The following SCFD2 variants were observed in gnomAD, a reference collection of about 807,000 sequenced individuals.
SCFD2 encodes the protein sec1 family domain-containing protein 2.
In SCFD2, 54 loss-of-function variants were observed where a neutral mutation model predicts 58.9. The ratio of observed to expected loss-of-function variants is 0.92; its 90% confidence interval spans 0.74 to 1.15. SCFD2 has a LOEUF of 1.15. Among genes scored for constraint, SCFD2 ranks in the 50% most tolerant of loss-of-function variants. SCFD2 has a pLI of 0.00. For synonymous variants in SCFD2, 321 were observed against 335.9 expected (o/e 0.96, Z 0.49); for missense variants, 805 against 836.6 (o/e 0.96, Z 0.47).
At chr4:53,169,745 A>G (rs929836811) in intron 4 of SCFD2, among the ~76,000 whole-genome samples, 1 of 152,182 alleles carries the variant, frequency 6.6e-6, no homozygotes, top group African/African-American at 2.4e-5. Context: ...TAATACAATC[A>G]TATCTCATTG....
intron 2 of SCFD2, among the ~76,000 whole-genome samples, chr4:53,333,388 G>T (rs1482250332): frequency 8.7e-5 from 12 of 137,456 alleles, no homozygotes; most frequent in African/African-American, 3.3e-4. Context: ...CATGGTACTG[G>T]TACCAAAACA....
chr4:53,290,285 A>G (rs928496524), intron 3 of SCFD2, among the ~76,000 whole-genome samples: 1 of 152,182 alleles, frequency 6.6e-6, no homozygotes, highest in Admixed American at 6.5e-5. Flanking sequence ...TTCTAACCAA[A>G]GTGGTGAGAA....
At chr4:52,980,104 TCTTA>T (rs1223258323) in intron 5 of SCFD2, among the ~76,000 whole-genome samples, 1 of 152,208 alleles carries the variant, frequency 6.6e-6, no homozygotes, top group African/African-American at 2.4e-5. Flanking sequence ...TCATTTGCCC[TCTTA>T]GTCATCTTTT....
chr4:52,972,563 T>C (rs888801941), intron 5 of SCFD2, among the ~76,000 whole-genome samples: 2 of 152,148 alleles, frequency 1.3e-5, no homozygotes, highest in African/African-American at 2.4e-5. Context: ...CACACAATAA[T>C]AGTGGGAGAC....
chr4:52,984,039 T>A (rs867422975), intron 5 of SCFD2, among the ~76,000 whole-genome samples: 1 of 152,280 alleles, frequency 6.6e-6, no homozygotes, highest in Non-Finnish European at 1.5e-5. Context: ...GTTTACCACT[T>A]CTCTGCAAAG....
intron 2 of SCFD2, among the ~76,000 whole-genome samples, chr4:53,336,989 T>C (rs539793475): frequency 6.6e-6 from 1 of 152,288 alleles, no homozygotes; most frequent in African/African-American, 2.4e-5. Flanking sequence ...CAAACCACAA[T>C]GAGATACCAC....
chr4:53,050,574 C>A (rs543005438), intron 5 of SCFD2, among the ~76,000 whole-genome samples: 1 of 152,154 alleles, frequency 6.6e-6, no homozygotes, highest in Non-Finnish European at 1.5e-5. Context: ...GAAGAAAGAA[C>A]AAAAACCAGG....
At chr4:53,145,288 G>A (rs142324194) in intron 5 of SCFD2, 45 bp downstream of exon 5, 91 of 1,600,370 alleles carry the variant, frequency 5.7e-5, no homozygotes, top group Admixed American at 4.6e-4. Flanking sequence ...AACCTGTTTC[G>A]TGTATCAGTG....
intron 5 of SCFD2, among the ~76,000 whole-genome samples, chr4:53,024,391 T>C (rs1456285291): frequency 1.3e-5 from 2 of 152,144 alleles, no homozygotes; most frequent in African/African-American, 4.8e-5. Context: ...GTTTTTAAGA[T>C]GGCATAATCA....
At chr4:53,152,441 C>T (rs1726539248) in intron 4 of SCFD2, among the ~76,000 whole-genome samples, 1 of 152,118 alleles carries the variant, frequency 6.6e-6, no homozygotes, top group Non-Finnish European at 1.5e-5. Context: ...TACATTGCTA[C>T]AAGGAGTGAA....
At chr4:53,064,241 G>A (rs535141475) in intron 5 of SCFD2, among the ~76,000 whole-genome samples, 27 of 152,026 alleles carry the variant, frequency 1.8e-4, no homozygotes, top group Middle Eastern at 6.8e-3. Context: ...TAAGCATAGC[G>A]CCCAGTAGTC....
chr4:53,230,423 C>T (rs1302632781), intron 4 of SCFD2, among the ~76,000 whole-genome samples: 3 of 151,852 alleles, frequency 2.0e-5, no homozygotes, highest in Admixed American at 6.6e-5. Flanking sequence ...ACATATACAC[C>T]ATGGAATACT....
At chr4:53,298,167 G>A (rs569034992) in intron 3 of SCFD2, among the ~76,000 whole-genome samples, 9 of 152,238 alleles carry the variant, frequency 5.9e-5, no homozygotes, top group South Asian at 2.1e-4. Flanking sequence ...CCCGGGAAGC[G>A]CAAGGGGTCA....
intron 4 of SCFD2, among the ~76,000 whole-genome samples, chr4:53,206,035 G>A (rs551178504): frequency 6.6e-6 from 1 of 152,100 alleles, no homozygotes; most frequent in Non-Finnish European, 1.5e-5. Context: ...TATTACACTA[G>A]TCCCCCAAAG....
At chr4:53,228,628 A>G (rs890078333) in intron 4 of SCFD2, among the ~76,000 whole-genome samples, 1 of 152,316 alleles carries the variant, frequency 6.6e-6, no homozygotes, top group East Asian at 1.9e-4. Context: ...TCTCAAAATA[A>G]TAAGAGCTAT....
At chr4:52,924,031 A>G (rs573164090) in intron 5 of SCFD2, among the ~76,000 whole-genome samples, 4 of 152,346 alleles carry the variant, frequency 2.6e-5, no homozygotes, top group African/African-American at 9.6e-5. Context: ...AAAAAAAGTT[A>G]CTAGTTCTAA....
intron 8 of SCFD2, among the ~76,000 whole-genome samples, chr4:52,874,768 C>T (rs1718433052): frequency 6.6e-6 from 1 of 152,158 alleles, no homozygotes; most frequent in South Asian, 2.1e-4. Context: ...TACAGTCACA[C>T]TGGATTAGAG....
chr4:52,995,567 G>A (rs1177390598), intron 5 of SCFD2, among the ~76,000 whole-genome samples: 9 of 152,212 alleles, frequency 5.9e-5, no homozygotes, highest in Admixed American at 2.6e-4. Context: ...TGCCTGGTCT[G>A]GGTAAGAGAA....
At chr4:53,180,910 T>A (rs1411820519) in intron 4 of SCFD2, among the ~76,000 whole-genome samples, 1 of 152,114 alleles carries the variant, frequency 6.6e-6, no homozygotes, top group African/African-American at 2.4e-5. Context: ...CTAGAAGAAA[T>A]GGATAAATTC....
Sources: gnomAD v4.1 joint callset for allele counts (sites outside exome capture counted in the v4.1 genomes callset) on GRCh38, gnomAD v4.1.1 for gene constraint, MANE v1.5 for transcripts, NCBI Gene and HGNC (gene_info 2026-07-23, HGNC 2026-07-21) for gene names.